UBE2D2: variants seen among roughly 807,000 people sequenced by gnomAD.
The protein encoded by UBE2D2 is ubiquitin conjugating enzyme E2 D2, also known as ubiquitin-conjugating enzyme E2 D2.
UBE2D2 carries 2 observed loss-of-function variants against 24.2 expected under a neutral mutation model. The ratio of observed to expected loss-of-function variants is 0.08; its 90% CI spans 0.03 to 0.26. The LOEUF is 0.26. UBE2D2 is among the 10% of genes least tolerant of loss of function. The pLI is 1.00. For synonymous variants in UBE2D2, 58 were observed against 56.5 expected, an observed-to-expected ratio of 1.03 and a Z score of -0.12; for missense variants, 44 against 177.6, an observed-to-expected ratio of 0.25 and a Z score of 4.28.
rs752718213 is a variant in UBE2D2 at position 139,546,813 on chromosome 5, TCTTTCTTCCTTC to T, written c.-64+20205_-64+20216del. ...AAATTTTCTTTCTTTCTTTCTTCTT[TCTTTCTTCCTTC>T]CTTCCTTCCTTCCTTCCTTCCTTCC... On this transcript the variant is annotated intron_variant, in intron 1 of 6. Coordinates refer to the UBE2D2 transcript ENST00000511725. 1.4e-3 allele frequency among the ~76,000 whole-genome samples: 174 copies of T among 128,338 alleles called. 1 individual carries two copies. The highest frequency in any genetic ancestry group is 2.2e-3 in the East Asian group (9 of 4,040). 84.2% of individuals were successfully genotyped at this position (128,338 alleles called of 152,430 possible). A position where few individuals can be genotyped will look rare whatever the true frequency, so the allele number is the denominator to read the frequency against.
chr5:139,564,643 C>T (rs755210865), intron 1 of UBE2D2, among the ~76,000 whole-genome samples: 1 of 152,042 alleles, frequency 6.6e-6, no homozygotes, highest in Non-Finnish European at 1.5e-5. Flanking sequence ...TTAGTAGAGA[C>T]GGGATTTCAC....
intron 2 of UBE2D2, among the ~76,000 whole-genome samples, chr5:139,613,648 T>G (rs1754368639): frequency 6.6e-6 from 1 of 152,168 alleles, no homozygotes; most frequent in Non-Finnish European, 1.5e-5. Context: ...GGAGAGATGT[T>G]TTTCTTTCTT....
intron 1 of UBE2D2, among the ~76,000 whole-genome samples, chr5:139,572,283 A>C (rs918092464): frequency 6.6e-6 from 1 of 152,194 alleles, no homozygotes. Flanking sequence ...AAGTGTATGA[A>C]ATCATGCATA....
chr5:139,531,000 C>G (rs891508907), intron 1 of UBE2D2, among the ~76,000 whole-genome samples: 7 of 152,262 alleles, frequency 4.6e-5, no homozygotes, highest in African/African-American at 1.4e-4. Flanking sequence ...AAATCACTAT[C>G]AATCTATTGC....
chr5:139,554,320 C>T (rs1752954821), intron 1 of UBE2D2, among the ~76,000 whole-genome samples: 1 of 152,164 alleles, frequency 6.6e-6, no homozygotes, highest in Non-Finnish European at 1.5e-5. Context: ...AGGCACGTGC[C>T]ACTGTGCCAG....
chr5:139,561,604 G>A lies in UBE2D2; in HGVS notation c.-188G>A, dbSNP rs1003691771. 9.0e-6 allele frequency: 4 copies of A among 446,066 alleles called. No individual in the cohort carries two copies. Among genetic ancestry groups the A allele is most frequent in the East Asian group, 7.1e-5 (2 of 28,182 alleles). 27.6% of individuals were successfully genotyped at this position (446,066 alleles called of 1,614,324 possible). A position where few individuals can be genotyped will look rare whatever the true frequency, so the allele number is the denominator to read the frequency against. Reference sequence around the variant, plus strand: ...GCCGCCGCCGGGTGATGCGGTGACCGCTGCGGCAGGCCCAGGAGCTGAGTG... The same window carrying A: ...GCCGCCGCCGGGTGATGCGGTGACCACTGCGGCAGGCCCAGGAGCTGAGTG... On this transcript the variant is annotated 5_prime_UTR_variant, in exon 1 of 7. Coordinates refer to ENST00000398733, the MANE Select transcript of UBE2D2 (RefSeq NM_003339.3).
chr5:139,574,526 C>G (rs1296909334), intron 1 of UBE2D2, among the ~76,000 whole-genome samples: 1 of 151,744 alleles, frequency 6.6e-6, no homozygotes, highest in Non-Finnish European at 1.5e-5. Flanking sequence ...GAAATGGCTT[C>G]TCTAGGAAGC....
At chr5:139,536,651 C>T (rs980233948) in intron 1 of UBE2D2, among the ~76,000 whole-genome samples, 6 of 151,916 alleles carry the variant, frequency 3.9e-5, no homozygotes, top group East Asian at 1.9e-4. Context: ...CCACCTTGCC[C>T]GGCAATTTTT....
intron 1 of UBE2D2, among the ~76,000 whole-genome samples, chr5:139,547,122 C>G (rs1411734878): frequency 6.6e-6 from 1 of 151,716 alleles, no homozygotes; most frequent in Admixed American, 6.6e-5. Context: ...AATCCCGTCT[C>G]TACTAAAAAT....
At position 139,561,556 on chromosome 5, in the gene UBE2D2, C is replaced by G. The variant is rs1753093076; in HGVS notation, c.-236C>G. The G allele has an allele frequency of 2.4e-6, 1 of 420,842 alleles. No homozygotes were observed. The highest frequency in any genetic ancestry group is 4.2e-6 in the Non-Finnish European group (1 of 239,238). 26.1% of individuals were successfully genotyped at this position (420,842 alleles called of 1,614,324 possible). A position where few individuals can be genotyped will look rare whatever the true frequency, so the allele number is the denominator to read the frequency against. On this transcript the variant is annotated 5_prime_UTR_variant, in exon 1 of 7. Coordinates refer to ENST00000398733, the MANE Select transcript of UBE2D2 (RefSeq NM_003339.3). ...GCTACGGCGGCGGCGGCGGTGGCGG[C>G]TAGGGCGGCGGCGAATAAAGGGGCC...
chr5:139,597,061 T>TA lies in UBE2D2; in HGVS notation c.25-3303dup, dbSNP rs368955232. Reference sequence around the variant, plus strand: ...ACTCCATCTAAAAAAAAAATTACATTAAAAAAAATAATAAACAACTTTGAG... The same window carrying TA: ...ACTCCATCTAAAAAAAAAATTACATTAAAAAAAAATAATAAACAACTTTGAG... On this transcript the variant is annotated intron_variant, in intron 1 of 6. Transcript: ENST00000398733. Among the ~76,000 whole-genome samples, 622 of 151,240 alleles carry TA rather than the reference T, an allele frequency of 4.1e-3. 2 individuals are homozygous for TA. The highest frequency in any genetic ancestry group is 0.017 in the South Asian group (81 of 4,780).
At chr5:139,571,625 G>A (rs985360282) in intron 1 of UBE2D2, among the ~76,000 whole-genome samples, 8 of 152,084 alleles carry the variant, frequency 5.3e-5, no homozygotes, top group Non-Finnish European at 7.4e-5. Flanking sequence ...TAGAGCTATT[G>A]TGTCTCCAGA....
intron 5 of UBE2D2, among the ~76,000 whole-genome samples, chr5:139,622,080 T>A (rs1754522062): frequency 1.3e-5 from 2 of 152,120 alleles, no homozygotes; most frequent in Non-Finnish European, 2.9e-5. Flanking sequence ...CTGGGCCAGC[T>A]CCCTTAGGAG....
At chr5:139,583,591 G>C (rs1224479679) in intron 1 of UBE2D2, among the ~76,000 whole-genome samples, 1 of 152,060 alleles carries the variant, frequency 6.6e-6, no homozygotes, top group Non-Finnish European at 1.5e-5. Context: ...GTGAAACCCT[G>C]TCTCTATTAA....
chr5:139,627,896 A>G lies in UBE2D2; in HGVS notation c.*1095A>G, dbSNP rs1238110080. 1 of 152,684 alleles carries G rather than the reference A, an allele frequency of 6.5e-6. No individual in the cohort carries two copies. The highest frequency in any genetic ancestry group is 1.9e-4 in the East Asian group (1 of 5,204). 9.5% of individuals were successfully genotyped at this position (152,684 alleles called of 1,614,324 possible). On this transcript the variant is annotated 3_prime_UTR_variant, in exon 7 of 7. Coordinates refer to ENST00000398733, the MANE Select transcript of UBE2D2 (RefSeq NM_003339.3). ...ATAAGCTTAAGAGCATTTCCATGAA[A>G]CAACACATGCAGCATTCCAGGAACT...
intron 1 of UBE2D2, among the ~76,000 whole-genome samples, chr5:139,598,735 T>G (rs1754009110): frequency 6.6e-6 from 1 of 150,920 alleles, no homozygotes; most frequent in East Asian, 2.0e-4. Context: ...TAATTTTGTG[T>G]TTTTTTAGTA....
Position 139,549,559 on chromosome 5 carries a change from C to T in UBE2D2, c.-64+22947C>T, listed in dbSNP as rs1259999161. Among the ~76,000 whole-genome samples the T allele has an allele frequency of 3.3e-5, 5 of 152,230 alleles. No homozygotes were observed. In the South Asian group the frequency reaches 1.0e-3, roughly 31 times the overall value. ...CACCTGCTCTGCGCTCAAATTCTTG[C>T]CGGGCCTCAGCACCTGCCCGCAGGG... On this transcript the variant is annotated intron_variant, in intron 1 of 6. Transcript: ENST00000511725.
At chr5:139,622,747 G>A (rs1326704366) in intron 5 of UBE2D2, among the ~76,000 whole-genome samples, 2 of 149,840 alleles carry the variant, frequency 1.3e-5, no homozygotes, top group African/African-American at 4.9e-5. Flanking sequence ...AAAATTAGCC[G>A]GGCGTGGTGG....
chr5:139,558,251 A>G (rs1753006842), upstream of UBE2D2, among the ~76,000 whole-genome samples: 1 of 152,180 alleles, frequency 6.6e-6, no homozygotes, highest in South Asian at 2.1e-4. Context: ...ATAAGGTAGA[A>G]ATATTTGAAA....
Sources: allele counts gnomAD v4.1 joint callset (sites outside exome capture counted in the v4.1 genomes callset), GRCh38; gene constraint gnomAD v4.1.1; transcripts MANE v1.5; gene names NCBI Gene and HGNC (gene_info 2026-07-23, HGNC 2026-07-21).